SLC9A9: variants seen among roughly 807,000 people sequenced by gnomAD.
The protein encoded by SLC9A9 is sodium/hydrogen exchanger 9.
SLC9A9 carries 62 observed loss-of-function variants against 77.8 expected under a neutral mutation model. The ratio of observed to expected loss-of-function variants is 0.80; its 90% CI spans 0.65 to 0.98. The LOEUF is 0.98. SLC9A9 is among the 50% of genes least tolerant of loss of function. The pLI is 0.00. For missense variants in SLC9A9, 775 were observed against 774.9 expected, an observed-to-expected ratio of 1.00 and a Z score of 0.00; for synonymous variants, 320 against 283.5, an observed-to-expected ratio of 1.13 and a Z score of -1.29.
chr3:143,757,153 T>G (rs1156778523), intron 4 of SLC9A9, among the ~76,000 whole-genome samples: 1 of 152,090 alleles, frequency 6.6e-6, no homozygotes, highest in East Asian at 1.9e-4. Flanking sequence ...AGCCAAACAA[T>G]TCACAACTCA....
intron 6 of SLC9A9, among the ~76,000 whole-genome samples, chr3:143,650,775 G>C (rs2038782471): frequency 6.6e-6 from 1 of 152,180 alleles, no homozygotes; most frequent in Non-Finnish European, 1.5e-5. Context: ...ACATTATGAA[G>C]ACATGGGTAG....
chr3:143,722,645 T>C (rs895825478), intron 4 of SLC9A9, among the ~76,000 whole-genome samples: 4 of 152,040 alleles, frequency 2.6e-5, no homozygotes, highest in African/African-American at 9.7e-5. Context: ...CTTAATTTTC[T>C]TTTCCTGTTG....
At chr3:143,290,392 C>T (rs1264538162) in intron 14 of SLC9A9, among the ~76,000 whole-genome samples, 1 of 152,164 alleles carries the variant, frequency 6.6e-6, no homozygotes, top group African/African-American at 2.4e-5. Context: ...ATGTTCAATA[C>T]ATATTTGCTA....
chr3:143,493,613 A>G, intron 11 of SLC9A9, 40 bp downstream of exon 11: 1 of 1,558,538 alleles, frequency 6.4e-7, no homozygotes, highest in Non-Finnish European at 8.9e-7. Flanking sequence ...TAAAATTGTG[A>G]GAAAACCAGC....
intron 14 of SLC9A9, among the ~76,000 whole-genome samples, chr3:143,325,552 C>A (rs1280395251): frequency 6.6e-6 from 1 of 152,186 alleles, no homozygotes; most frequent in Non-Finnish European, 1.5e-5. Context: ...TCTTCCACAC[C>A]ACATGGGCAA....
rs1036529908 is a variant in SLC9A9, at chr3:143,596,835, AT to A, written c.756-18113del. Among the ~76,000 whole-genome samples the A allele has an allele frequency of 9.9e-5, 15 of 151,852 alleles. No homozygotes were observed. The East Asian group carries it at 1.2e-3, about 12-fold the overall frequency. On this transcript the variant is annotated intron_variant, in intron 6 of 15. Coordinates refer to ENST00000316549, the MANE Select transcript of SLC9A9 (RefSeq NM_173653.4). ...GCATCACCACACCTAGCTAAGTTTT[AT>A]TTTTTGTAGAGATTGAGGTCTCACT...
At chr3:143,589,311 A>G (rs1459148914) in intron 6 of SLC9A9, among the ~76,000 whole-genome samples, 2 of 152,202 alleles carry the variant, frequency 1.3e-5, no homozygotes, top group East Asian at 1.9e-4. Flanking sequence ...AGTAACTTTT[A>G]AAATTTCACC....
chr3:143,340,905 T>TA (rs773147015), intron 14 of SLC9A9, among the ~76,000 whole-genome samples: 5 of 152,312 alleles, frequency 3.3e-5, no homozygotes, highest in South Asian at 4.1e-4. Flanking sequence ...TGCTAGTCAT[T>TA]AGTGCAGAAG....
At chr3:143,328,548 C>T (rs1293021263) in intron 14 of SLC9A9, among the ~76,000 whole-genome samples, 1 of 152,162 alleles carries the variant, frequency 6.6e-6, no homozygotes, top group Non-Finnish European at 1.5e-5. Context: ...TCCATCTTCC[C>T]GATTCAAAAC....
rs2034899904 is a variant in SLC9A9 at position 143,448,921 on chromosome 3, T to TA, written c.1469+18115dup. On this transcript the variant is annotated intron_variant, in intron 12 of 15. Transcript: ENST00000316549. ...AATATATAATATGATATATATTATA[T>TA]ATTATAATATATAATATGATATATA... 1.3e-4 allele frequency among the ~76,000 whole-genome samples: 2 copies of TA among 15,716 alleles called. 1 individual carries two copies. The highest frequency in any genetic ancestry group is 2.1e-3 in the African/African-American group (2 of 938). 10.3% of individuals were successfully genotyped at this position (15,716 alleles called of 152,430 possible).
intron 6 of SLC9A9, among the ~76,000 whole-genome samples, chr3:143,631,477 A>G (rs114542459): frequency 0.02 from 2,977 of 152,294 alleles, 94 homozygotes; most frequent in African/African-American, 0.067. Flanking sequence ...ATTACAGGTG[A>G]CAAATTCAAA....
chr3:143,658,782 G>A (rs1188593016), intron 5 of SLC9A9, among the ~76,000 whole-genome samples: 1 of 152,104 alleles, frequency 6.6e-6, no homozygotes, highest in Non-Finnish European at 1.5e-5. Flanking sequence ...GTAACCAGAA[G>A]GTCATGCAGT....
intron 11 of SLC9A9, among the ~76,000 whole-genome samples, chr3:143,490,992 T>A (rs1002115575): frequency 3.3e-5 from 5 of 152,218 alleles, no homozygotes; most frequent in African/African-American, 1.2e-4. Context: ...GATGTTCAGA[T>A]TCATTTCAAT....
intron 11 of SLC9A9, among the ~76,000 whole-genome samples, chr3:143,480,521 G>T (rs1336230573): frequency 6.6e-6 from 1 of 152,210 alleles, no homozygotes; most frequent in Non-Finnish European, 1.5e-5. Context: ...TGACACAGTT[G>T]TTAAAACATT....
At chr3:143,794,976 A>C in intron 4 of SLC9A9, 25 bp downstream of exon 4, 1 of 1,609,292 alleles carries the variant, frequency 6.2e-7, no homozygotes, top group Middle Eastern at 1.7e-4. Flanking sequence ...AGCCACCTGC[A>C]ACTTGAGCTC....
At position 143,742,449 on chromosome 3, in the gene SLC9A9, C is replaced by T. The variant is rs115135118; in HGVS notation, c.534-49142G>A. Among the ~76,000 whole-genome samples the T allele has an allele frequency of 8.2e-3, 1,245 of 152,294 alleles. 6 individuals carry two copies. Among genetic ancestry groups the T allele is most frequent in the Non-Finnish European group, 0.013 (905 of 68,018 alleles). ...TCTAGGCAGTAGGCAAGGTGAACCTCTTGGGTGGTTACACCATAACCCCAG... is the reference window on the plus strand; with the variant it reads ...TCTAGGCAGTAGGCAAGGTGAACCTTTTGGGTGGTTACACCATAACCCCAG... On this transcript the variant is annotated intron_variant, in intron 4 of 15. Coordinates refer to ENST00000316549, the MANE Select transcript of SLC9A9 (RefSeq NM_173653.4).
At chr3:143,689,190 G>A (rs987584616) in intron 5 of SLC9A9, among the ~76,000 whole-genome samples, 4 of 151,976 alleles carry the variant, frequency 2.6e-5, no homozygotes, top group Middle Eastern at 3.2e-3. Flanking sequence ...TTTATGGAGG[G>A]GAGTTTGGCA....
intron 12 of SLC9A9, among the ~76,000 whole-genome samples, chr3:143,423,280 CACACACACA>C (rs914231741): frequency 6.6e-6 from 1 of 150,556 alleles, no homozygotes; most frequent in African/African-American, 2.5e-5. Flanking sequence ...CACACACACA[CACACACACA>C]GAGTTCCTAA....
At chr3:143,446,351 T>C (rs983463243) in intron 12 of SLC9A9, among the ~76,000 whole-genome samples, 3 of 152,102 alleles carry the variant, frequency 2.0e-5, no homozygotes, top group Non-Finnish European at 4.4e-5. Flanking sequence ...TCTGACTGTT[T>C]CTATTCTCTT....
Sources: allele counts gnomAD v4.1 joint callset (sites outside exome capture counted in the v4.1 genomes callset), GRCh38; gene constraint gnomAD v4.1.1; transcripts MANE v1.5; gene names NCBI Gene and HGNC (gene_info 2026-07-23, HGNC 2026-07-21).